Variants in CPNE7 observed in about 807,000 individuals in gnomAD.
CPNE7 encodes copine 7.
A neutral mutation model predicts 66.5 loss-of-function variants in CPNE7; 78 were observed. The ratio of observed to expected loss-of-function variants is 1.17; its 90% CI spans 0.98 to 1.42. The LOEUF (loss-of-function observed/expected upper bound fraction) is 1.42. Among genes scored for constraint, CPNE7 ranks in the 40% most tolerant of loss-of-function variants. The probability of loss-of-function intolerance (pLI) is 0.00; values close to 1 mark genes in which losing one functional copy is unlikely to be tolerated. For missense variants in CPNE7, 1,012 were observed against 776.6 expected (o/e 1.30, Z -3.60); for synonymous variants, 468 against 336.7 (o/e 1.39, Z -4.27).
In CPNE7 at chr16:89,596,632, G is replaced by C. The variant is rs1258322159; in HGVS notation, c.*11G>C. ...GGCTGCACACCGTGAAGATGTGGAG[G>C]GCGTAGGGTGGGGGCAGTGAGGAAT... is the stretch of plus-strand genomic sequence containing the variant. On this transcript the variant is annotated 3_prime_UTR_variant, in exon 15 of 15. Coordinates refer to ENST00000319518, the MANE Select transcript of CPNE7 (RefSeq NM_153636.3). 6.3e-7 allele frequency: 1 copy of C among 1,587,986 alleles called. No homozygotes were observed. Among genetic ancestry groups the C allele is most frequent in the East Asian group, 2.3e-5 (1 of 44,380 alleles).
In CPNE7 at chr16:89,584,873, T is replaced by C; in HGVS notation, c.591+16T>C. ...CAGGACGGAGGTGAGCGGCCGGGGA[T>C]GGGAACACAGGGAGGGGAAGGGGCT... is the stretch of plus-strand genomic sequence containing the variant. On this transcript the variant is annotated intron_variant, in intron 5 of 14. Transcript: ENST00000319518. This position sits in a 1 kb window ranked among gnomAD's most constrained non-coding sequence, Gnocchi z 6.0. 6.2e-7 allele frequency: 1 copy of C among 1,609,996 alleles called. No individual in the cohort carries two copies. Among genetic ancestry groups the C allele is most frequent in the Non-Finnish European group, 8.5e-7 (1 of 1,177,474 alleles).
chr16:89,592,958 G>A (rs564362782), intron 13 of CPNE7, among the ~76,000 whole-genome samples: 9 of 148,250 alleles, frequency 6.1e-5, no homozygotes, highest in East Asian at 4.1e-4. Flanking sequence ...GAGTACAGGC[G>A]CCCGCCACCA....
chr16:89,592,121 G>A (rs2059182740), intron 13 of CPNE7, among the ~76,000 whole-genome samples: 1 of 150,134 alleles, frequency 6.7e-6, no homozygotes, highest in Admixed American at 6.6e-5. Flanking sequence ...CCATTCTCCT[G>A]CCTCAGCCTC....
intron 13 of CPNE7, among the ~76,000 whole-genome samples, chr16:89,593,056 C>T (rs1393522749): frequency 6.6e-6 from 1 of 151,868 alleles, no homozygotes. Flanking sequence ...AAGTGATCTG[C>T]CTGCCTCAGC....
At chr16:89,593,388 C>G (rs1338268779) in intron 13 of CPNE7, among the ~76,000 whole-genome samples, 4 of 150,096 alleles carry the variant, frequency 2.7e-5, no homozygotes, top group Admixed American at 2.0e-4. Context: ...GAGTCTCGCT[C>G]TTCACCCAGG....
Position 89,575,817 on chromosome 16 carries a change from A to G in CPNE7, c.-81A>G. On this transcript the variant is annotated 5_prime_UTR_variant, in exon 1 of 15. Transcript: ENST00000319518. ...CGCGGCCACGCCTGGGCCGGCCACC[A>G]TTTCCCGGGCGCCGCGGCGGCGCCG... 1 of 1,035,098 alleles carries G rather than the reference A, an allele frequency of 9.7e-7. No homozygotes were observed. Among genetic ancestry groups the G allele is most frequent in the Non-Finnish European group, 1.2e-6 (1 of 848,660 alleles). The allele number at this position is 1,035,098 out of a possible 1,614,324, so 64.1% of individuals were successfully genotyped here. A position where few individuals can be genotyped will look rare whatever the true frequency, so the allele number is the denominator to read the frequency against.
At chr16:89,592,179 T>TG (rs1432625434) in intron 13 of CPNE7, among the ~76,000 whole-genome samples, 1 of 143,994 alleles carries the variant, frequency 6.9e-6, no homozygotes, top group Non-Finnish European at 1.5e-5. Flanking sequence ...CGGCTAATTT[T>TG]TTTTTTTTGT....
At chr16:89,579,033 G>C (rs2058904894) in intron 2 of CPNE7, 1 of 1,501,314 alleles carries the variant, frequency 6.7e-7, no homozygotes, top group Non-Finnish European at 9.0e-7. Flanking sequence ...GCTCACGCCT[G>C]TAATCGCAGC....
rs558284865 is a variant in CPNE7 at position 89,583,918 on chromosome 16, C to T, written c.433-110C>T. 3.4e-6 allele frequency: 5 copies of T among 1,467,140 alleles called. No individual in the cohort carries two copies. In the African/African-American group the frequency reaches 5.6e-5, roughly 16 times the overall value. 90.9% of individuals were successfully genotyped at this position (1,467,140 alleles called of 1,614,324 possible). ...CACAGCCCCGGGGGTACACAGACAC[C>T]TCCTCTCAGGCCCCGCTGGGTGGGG... On this transcript the variant is annotated intron_variant, in intron 3 of 14. Transcript: ENST00000319518.
At chr16:89,578,868 G>T in intron 2 of CPNE7, 1 of 1,612,118 alleles carries the variant, frequency 6.2e-7, no homozygotes, top group Non-Finnish European at 8.5e-7. Context: ...CAGCCCAAAA[G>T]TGGCTTCTGC....
chr16:89,579,795 A>T lies in CPNE7; in HGVS notation c.357+2074A>T, dbSNP rs190932490. 1.3e-4 allele frequency among the ~76,000 whole-genome samples: 16 copies of T among 124,362 alleles called. No homozygotes were observed. In the East Asian group the frequency reaches 3.7e-3, roughly 29 times the overall value. The allele number at this position is 124,362 out of a possible 152,430, so 81.6% of individuals were successfully genotyped here. ...ACGGAACATCCCGTCACCCGCTGAC[A>T]CGGAACATCTCACCCGTCACACGGA... On this transcript the variant is annotated intron_variant, in intron 2 of 14. Coordinates refer to ENST00000319518, the MANE Select transcript of CPNE7 (RefSeq NM_153636.3).
chr16:89,588,826 C>T lies in CPNE7; in HGVS notation c.1061+18C>T, dbSNP rs371183448. The stretch of plus-strand genomic sequence containing the variant: ...TATGACAGGTGCGCCCACCACCTTC[C>T]CCTCACCCCCTGGTCTCCAGGTCAG... On this transcript the variant is annotated intron_variant, in intron 10 of 14. Transcript: ENST00000319518. The T allele has an allele frequency of 2.5e-6, 4 of 1,612,700 alleles. No individual in the cohort carries two copies. The highest frequency in any genetic ancestry group is 1.7e-5 in the Admixed American group (1 of 59,996).
rs923863065 is a variant in CPNE7, at chr16:89,577,818, G to T, written c.357+97G>T. On this transcript the variant is annotated intron_variant, in intron 2 of 14. Transcript: ENST00000319518. ...ACCAGCACCGCAGGGACCCTGCTGG[G>T]GTGGCCAACCTGGCTCTGCCCCCTC... 3.1e-6 allele frequency: 4 copies of T among 1,276,862 alleles called. No homozygotes were observed. In the Admixed American group the frequency reaches 6.9e-5, roughly 22 times the overall value. The allele number at this position is 1,276,862 out of a possible 1,614,324, so 79.1% of individuals were successfully genotyped here.
chr16:89,584,862 G>T lies in CPNE7; in HGVS notation c.591+5G>T. ...CAGCTGGTGTACAGGACGGAGGTGAGCGGCCGGGGATGGGAACACAGGGAG... is the reference window on the plus strand; with the variant it reads ...CAGCTGGTGTACAGGACGGAGGTGATCGGCCGGGGATGGGAACACAGGGAG... On this transcript the variant is annotated splice_donor_5th_base_variant and intron_variant, in intron 5 of 14. Coordinates refer to ENST00000319518, the MANE Select transcript of CPNE7 (RefSeq NM_153636.3). This position sits in a 1 kb window ranked among gnomAD's most constrained non-coding sequence, Gnocchi z 6.0. The T allele has an allele frequency of 6.2e-7, 1 of 1,612,830 alleles. No individual in the cohort carries two copies. The highest frequency in any genetic ancestry group is 8.5e-7 in the Non-Finnish European group (1 of 1,179,612).
intron 2 of CPNE7, among the ~76,000 whole-genome samples, chr16:89,578,626 G>A (rs183824116): frequency 6.6e-6 from 1 of 151,940 alleles, no homozygotes; most frequent in Non-Finnish European, 1.5e-5. Context: ...CGGGCATGGT[G>A]GCATGTGCCT....
chr16:89,589,084 G>C (rs1404485848), intron 10 of CPNE7, among the ~76,000 whole-genome samples: 3 of 152,224 alleles, frequency 2.0e-5, no homozygotes, highest in African/African-American at 7.2e-5. Context: ...CTGAGGTCAG[G>C]AGTTTGAGAC....
intron 7 of CPNE7, among the ~76,000 whole-genome samples, chr16:89,586,092 G>A (rs1323155020): frequency 7.3e-5 from 11 of 151,252 alleles, no homozygotes; most frequent in East Asian, 5.9e-4. Flanking sequence ...CAGGTGAGTC[G>A]GGGGCACACC....
chr16:89,591,321 C>T lies in CPNE7; in HGVS notation c.1302+61C>T, dbSNP rs535023444. ...GGGGTCGGCTGTGTGTGCACCAGCGCGTGGACGTCAGGGAGGCACCTGGCA... is the reference window on the plus strand; with the variant it reads ...GGGGTCGGCTGTGTGTGCACCAGCGTGTGGACGTCAGGGAGGCACCTGGCA... On this transcript the variant is annotated intron_variant, in intron 13 of 14. Coordinates refer to ENST00000319518, the MANE Select transcript of CPNE7 (RefSeq NM_153636.3). 67 of 1,475,766 alleles carry T rather than the reference C, an allele frequency of 4.5e-5. No individual in the cohort carries two copies. In the African/African-American group the frequency reaches 5.2e-4, roughly 11 times the overall value. 91.4% of individuals were successfully genotyped at this position (1,475,766 alleles called of 1,614,324 possible).
At position 89,584,984 on chromosome 16, in the gene CPNE7, G is replaced by A; in HGVS notation, c.591+127G>A. 1 of 862,882 alleles carries A rather than the reference G, an allele frequency of 1.2e-6. No homozygotes were observed. Among genetic ancestry groups the A allele is most frequent in the East Asian group, 2.6e-5 (1 of 38,770 alleles). The allele number at this position is 862,882 out of a possible 1,614,324, so 53.5% of individuals were successfully genotyped here. A position where few individuals can be genotyped will look rare whatever the true frequency, so the allele number is the denominator to read the frequency against. ...CTGTGGGCGCAGGGCTTTGGTGGCT[G>A]TGGCTATGGCCAGAATCCAACAGGG... On this transcript the variant is annotated intron_variant, in intron 5 of 14. Transcript: ENST00000319518. This position sits in a 1 kb window ranked among gnomAD's most constrained non-coding sequence, Gnocchi z 6.0.
Sources: allele counts gnomAD v4.1 joint callset (sites outside exome capture counted in the v4.1 genomes callset), GRCh38; gene constraint gnomAD v4.1.1; non-coding constraint Gnocchi (gnomAD v3.1); transcripts MANE v1.5; gene names NCBI Gene and HGNC (gene_info 2026-07-23, HGNC 2026-07-21).